Variants in GDPD4 observed in about 807,000 individuals in gnomAD.
The protein encoded by GDPD4 is glycerophosphodiester phosphodiesterase domain containing 4, also known as glycerophosphodiester phosphodiesterase 6.
In GDPD4, 60 loss-of-function variants were observed where a neutral mutation model predicts 67.8. The observed-to-expected ratio is 0.88, with a 90% CI of 0.72 to 1.10. GDPD4 has a LOEUF of 1.10. Among genes scored for constraint, GDPD4 ranks in the 50% least tolerant of loss-of-function variants. The pLI is 0.00. For missense variants in GDPD4, 623 were observed against 613.9 expected (o/e 1.01, Z -0.16); for synonymous variants, 212 against 210.9 (o/e 1.00, Z -0.04).
chr11:77,289,444 G>C (rs1458754368), intron 1 of GDPD4, among the ~76,000 whole-genome samples: 3 of 151,028 alleles, frequency 2.0e-5, no homozygotes, highest in Non-Finnish European at 4.4e-5. Flanking sequence ...CAGGCCGGCT[G>C]GCCATAGTGG....
In GDPD4 at chr11:77,285,173, AAAT is replaced by A. The variant is rs1959943272; in HGVS notation, c.-39_-37del. 1 of 1,524,420 alleles carries A rather than the reference AAAT, an allele frequency of 6.6e-7. No individual in the cohort carries two copies. The highest frequency in any genetic ancestry group is 1.7e-5 in the Admixed American group (1 of 58,586). 94.4% of individuals were successfully genotyped at this position (1,524,420 alleles called of 1,614,324 possible). On this transcript the variant is annotated 5_prime_UTR_variant, in exon 3 of 17. Coordinates refer to ENST00000315938, the MANE Select transcript of GDPD4 (RefSeq NM_182833.3). ...ACAAATGAAATTACCAGGCACGGCA[AAAT>A]AATTGCTCTTTCTGGGAAAAGAAAA...
At position 77,229,846 on chromosome 11, in the gene GDPD4, A is replaced by G. The variant is rs532487973; in HGVS notation, c.1390-614T>C. On this transcript the variant is annotated intron_variant, in intron 14 of 16. Transcript: ENST00000315938. Reference sequence around the variant, plus strand: ...CTCTTCTATGCTCCTTGCCCAAATCATCTATTTCCCAGAGCTCTGTCTTCT... The same window carrying G: ...CTCTTCTATGCTCCTTGCCCAAATCGTCTATTTCCCAGAGCTCTGTCTTCT... Among the ~76,000 whole-genome samples the G allele has an allele frequency of 4.6e-5, 7 of 152,170 alleles. No individual in the cohort carries two copies. In the East Asian group the frequency reaches 1.2e-3, roughly 25 times the overall value.
intron 16 of GDPD4, among the ~76,000 whole-genome samples, chr11:77,225,923 T>C (rs1218561992): frequency 6.6e-6 from 1 of 152,152 alleles, no homozygotes; most frequent in Non-Finnish European, 1.5e-5. Flanking sequence ...GATTCTAAAC[T>C]TGGTCCTGCA....
Position 77,224,070 on chromosome 11 carries a change from G to A in GDPD4, c.1525+3794C>T, listed in dbSNP as rs182729814. 3.9e-4 allele frequency among the ~76,000 whole-genome samples: 59 copies of A among 152,306 alleles called. No homozygotes were observed. In the East Asian group the frequency reaches 4.4e-3, roughly 11 times the overall value. ...GGAAAAGTGCAGTATTAAGGCTGGC[G>A]TGTCTCGATTTTCCTGGTACAGTCT... On this transcript the variant is annotated intron_variant, in intron 16 of 16. Transcript: ENST00000315938.
intron 10 of GDPD4, among the ~76,000 whole-genome samples, chr11:77,261,715 G>C (rs988148565): frequency 1.2e-4 from 19 of 152,210 alleles, no homozygotes; most frequent in African/African-American, 4.6e-4. Context: ...ATAGAAGACT[G>C]GTTTACGGGG....
At chr11:77,281,162 A>G (rs1308485345) in intron 3 of GDPD4, among the ~76,000 whole-genome samples, 2 of 152,132 alleles carry the variant, frequency 1.3e-5, no homozygotes, top group East Asian at 3.8e-4. Context: ...AATGCAACCT[A>G]CTCATGTAAA....
chr11:77,262,448 T>C (rs891659379), intron 10 of GDPD4, among the ~76,000 whole-genome samples: 1 of 152,184 alleles, frequency 6.6e-6, no homozygotes, highest in African/African-American at 2.4e-5. Flanking sequence ...TAATTAAGTA[T>C]TAATCAGGCT....
intron 13 of GDPD4, among the ~76,000 whole-genome samples, chr11:77,240,863 C>T (rs932002009): frequency 6.6e-6 from 1 of 152,060 alleles, no homozygotes; most frequent in Non-Finnish European, 1.5e-5. Flanking sequence ...CAAATTAAAA[C>T]CACAAGGAGA....
intron 1 of GDPD4, among the ~76,000 whole-genome samples, chr11:77,288,728 A>G (rs1000967790): frequency 1.2e-4 from 19 of 152,366 alleles, no homozygotes; most frequent in African/African-American, 4.6e-4. Flanking sequence ...AGATATCAAC[A>G]TAAGGACACA....
chr11:77,275,281 G>A (rs1959406480), intron 5 of GDPD4, among the ~76,000 whole-genome samples: 1 of 152,168 alleles, frequency 6.6e-6, no homozygotes, highest in Admixed American at 6.5e-5. Flanking sequence ...GCCCATGGGA[G>A]AACAAAACAA....
intron 2 of GDPD4, 137 bp from the exon 3 acceptor site, chr11:77,285,324 TC>T: frequency 1.7e-6 from 1 of 584,602 alleles, no homozygotes; most frequent in Non-Finnish European, 3.0e-6. Context: ...ATCACTCTCT[TC>T]TTTTTACCCC....
rs553275864 is a variant in GDPD4 at position 77,227,449 on chromosome 11, A to G, written c.1525+415T>C. ...CTAGATGCCTGGCCCAGTGATGTCAATGCTATACTTTTGCCTTCTTCCTCA... is the reference window on the plus strand; with the variant it reads ...CTAGATGCCTGGCCCAGTGATGTCAGTGCTATACTTTTGCCTTCTTCCTCA... On this transcript the variant is annotated intron_variant, in intron 16 of 16. Transcript: ENST00000315938. Among the ~76,000 whole-genome samples, 337 of 152,258 alleles carry G rather than the reference A, an allele frequency of 2.2e-3. 2 individuals are homozygous for G. Among genetic ancestry groups the G allele is most frequent in the Non-Finnish European group, 3.1e-3 (211 of 68,006 alleles).
intron 1 of GDPD4, among the ~76,000 whole-genome samples, chr11:77,299,212 C>T (rs1938081333): frequency 6.6e-6 from 1 of 152,138 alleles, no homozygotes; most frequent in Admixed American, 6.6e-5. Flanking sequence ...CATAGAATAC[C>T]ATCAGCATCC....
chr11:77,284,480 AT>A (rs895544002), intron 3 of GDPD4, among the ~76,000 whole-genome samples: 4 of 152,214 alleles, frequency 2.6e-5, no homozygotes, highest in African/African-American at 4.8e-5. Context: ...ACTGTATTCC[AT>A]TTTTAAAAGC....
chr11:77,233,835 T>C (rs1358823348), intron 13 of GDPD4, among the ~76,000 whole-genome samples: 1 of 152,198 alleles, frequency 6.6e-6, no homozygotes, highest in African/African-American at 2.4e-5. Flanking sequence ...AGTACCAATC[T>C]GGTGAACTTA....
intron 10 of GDPD4, among the ~76,000 whole-genome samples, chr11:77,267,503 T>C (rs542915122): frequency 2.0e-4 from 30 of 152,354 alleles, no homozygotes; most frequent in African/African-American, 6.3e-4. Flanking sequence ...GCCATACCGA[T>C]AGATGAGTAG....
intron 13 of GDPD4, among the ~76,000 whole-genome samples, chr11:77,239,816 G>T (rs556569181): frequency 6.6e-6 from 1 of 152,066 alleles, no homozygotes; most frequent in African/African-American, 2.4e-5. Context: ...TAAAAAATTA[G>T]CAGGGTGCAG....
Position 77,271,100 on chromosome 11 carries a change from ATAGGCAGGGTTCTGCCC to A in GDPD4, c.400+13_400+29del. 6.8e-7 allele frequency: 1 copy of A among 1,475,748 alleles called. No homozygotes were observed. The highest frequency in any genetic ancestry group is 9.4e-7 in the Non-Finnish European group (1 of 1,062,506). The allele number at this position is 1,475,748 out of a possible 1,614,324, so 91.4% of individuals were successfully genotyped here. A position where few individuals can be genotyped will look rare whatever the true frequency, so the allele number is the denominator to read the frequency against. ...GCAAGCTAAAGCCAGAGCTGAAGAA[ATAGGCAGGGTTCTGCCC>A]TATGTGACATACCTTCTCTTTCCAA... On this transcript the variant is annotated intron_variant, in intron 7 of 16. Coordinates refer to ENST00000315938, the MANE Select transcript of GDPD4 (RefSeq NM_182833.3).
chr11:77,301,102 G>A (rs973761249), intron 1 of GDPD4, among the ~76,000 whole-genome samples: 5 of 152,148 alleles, frequency 3.3e-5, no homozygotes, highest in South Asian at 2.1e-4. Flanking sequence ...ATATTTAAGG[G>A]GAGATCGAGA....
Sources: gnomAD v4.1 joint callset for allele counts (sites outside exome capture counted in the v4.1 genomes callset) on GRCh38, gnomAD v4.1.1 for gene constraint, MANE v1.5 for transcripts, NCBI Gene and HGNC (gene_info 2026-07-23, HGNC 2026-07-21) for gene names.